LRP1B: variants seen among roughly 807,000 people sequenced by gnomAD.
LRP1B encodes the protein low-density lipoprotein receptor-related protein 1B.
LRP1B carries 217 observed loss-of-function variants against 556.6 expected under a neutral mutation model. The ratio of observed to expected loss-of-function variants is 0.39; its 90% CI spans 0.35 to 0.44. The LOEUF is 0.44. Ranked by LOEUF, LRP1B falls within the 20% of genes least tolerant of loss-of-function variation. The pLI is 1.00. For missense variants in LRP1B, 5,053 were observed against 5,620.8 expected (o/e 0.90, Z 3.23); for synonymous variants, 2,047 against 1,865.8 (o/e 1.10, Z -2.50).
chr2:141,559,088 C>T (rs1339881300), intron 2 of LRP1B, among the ~76,000 whole-genome samples: 6 of 151,348 alleles, frequency 4.0e-5, no homozygotes, highest in African/African-American at 1.5e-4. Flanking sequence ...TTTTGGTACA[C>T]TATTTTGATG....
At chr2:141,602,261 T>C (rs1250109946) in intron 2 of LRP1B, among the ~76,000 whole-genome samples, 1 of 152,174 alleles carries the variant, frequency 6.6e-6, no homozygotes, top group Non-Finnish European at 1.5e-5. Context: ...CTTTACTCTT[T>C]GCACCATAAA....
chr2:141,756,591 G>A (rs1694328736), intron 2 of LRP1B, among the ~76,000 whole-genome samples: 1 of 147,432 alleles, frequency 6.8e-6, no homozygotes, highest in African/African-American at 2.5e-5. Context: ...ACAATCTTAT[G>A]CCAAATAACA....
At chr2:141,526,745 T>C (rs530053398) in intron 2 of LRP1B, among the ~76,000 whole-genome samples, 7 of 152,174 alleles carry the variant, frequency 4.6e-5, no homozygotes, top group Admixed American at 2.0e-4. Context: ...ATTGTAAGAA[T>C]AAATCACCAC....
chr2:140,861,278 G>A (rs924894565), intron 27 of LRP1B, among the ~76,000 whole-genome samples: 5 of 152,074 alleles, frequency 3.3e-5, no homozygotes, highest in East Asian at 3.9e-4. Context: ...AAGGTGGCAC[G>A]TGACTGTAAT....
In LRP1B at chr2:141,800,726, T is replaced by G. The variant is rs150125793; in HGVS notation, c.205+9553A>C. Among the ~76,000 whole-genome samples the G allele has an allele frequency of 2.7e-3, 417 of 152,292 alleles. 4 individuals carry two copies. Among genetic ancestry groups the G allele is most frequent in the African/African-American group, 9.5e-3 (395 of 41,564 alleles). Reference sequence around the variant, plus strand: ...ATCATCTTCTTTATCATGGAAAGAATAGCATTTAACCAGAATAGATAAAGT... The same window carrying G: ...ATCATCTTCTTTATCATGGAAAGAAGAGCATTTAACCAGAATAGATAAAGT... On this transcript the variant is annotated intron_variant, in intron 2 of 90. Transcript: ENST00000389484.
chr2:140,917,097 CAA>C (rs1694602370), intron 21 of LRP1B, among the ~76,000 whole-genome samples: 1 of 152,106 alleles, frequency 6.6e-6, no homozygotes, highest in Admixed American at 6.5e-5. Context: ...AAAATATACT[CAA>C]AATAATATGT....
intron 2 of LRP1B, among the ~76,000 whole-genome samples, chr2:141,664,368 C>A (rs1204018652): frequency 6.6e-6 from 1 of 152,094 alleles, no homozygotes; most frequent in Non-Finnish European, 1.5e-5. Flanking sequence ...GGCAATCAGA[C>A]AAGAGAAAGA....
chr2:141,871,516 A>C (rs1417544638), intron 1 of LRP1B, among the ~76,000 whole-genome samples: 1 of 152,002 alleles, frequency 6.6e-6, no homozygotes, highest in Non-Finnish European at 1.5e-5. Context: ...TAATAAATGC[A>C]TCTACCAAAA....
At chr2:141,575,334 A>G (rs1167530343) in intron 2 of LRP1B, among the ~76,000 whole-genome samples, 1 of 152,190 alleles carries the variant, frequency 6.6e-6, no homozygotes, top group East Asian at 1.9e-4. Context: ...GATCTTCGAC[A>G]AACCCGACAA....
At position 140,683,858 on chromosome 2, in the gene LRP1B, C is replaced by T. The variant is rs115879462; in HGVS notation, c.6799+16392G>A. ...AGCAGCCGACCCCGAAACAGCTCCG[C>T]GGCCCCCTGCGCCTGGGCCCTGGCA... On this transcript the variant is annotated intron_variant, in intron 41 of 90. Transcript: ENST00000389484. 1,723 of 601,380 alleles carry T rather than the reference C, an allele frequency of 2.9e-3. 25 individuals are homozygous for T. In the African/African-American group the frequency reaches 0.029, roughly 10 times the overall value. 37.3% of individuals were successfully genotyped at this position (601,380 alleles called of 1,614,324 possible).
At chr2:140,460,131 A>C (rs1384276206) in intron 60 of LRP1B, among the ~76,000 whole-genome samples, 2 of 152,166 alleles carry the variant, frequency 1.3e-5, no homozygotes, top group African/African-American at 4.8e-5. Context: ...AACTTGGCAA[A>C]AGAGGGGTAG....
chr2:140,685,655 A>G (rs1352670756), intron 41 of LRP1B, among the ~76,000 whole-genome samples: 1 of 152,182 alleles, frequency 6.6e-6, no homozygotes, highest in African/African-American at 2.4e-5. Context: ...CAGTCAAAGA[A>G]TTGCTTTTAC....
intron 2 of LRP1B, among the ~76,000 whole-genome samples, chr2:141,662,561 A>G (rs1180187758): frequency 6.6e-6 from 1 of 152,174 alleles, no homozygotes; most frequent in Non-Finnish European, 1.5e-5. Context: ...CTTTAAACCA[A>G]CAGAGATCAA....
At chr2:141,444,960 G>A (rs1028789998) in intron 3 of LRP1B, among the ~76,000 whole-genome samples, 2 of 152,066 alleles carry the variant, frequency 1.3e-5, no homozygotes, top group African/African-American at 4.8e-5. Context: ...TTAGGGAGGA[G>A]TCCCTCTTTT....
At chr2:140,530,354 C>G (rs1424439333) in intron 47 of LRP1B, among the ~76,000 whole-genome samples, 2 of 152,092 alleles carry the variant, frequency 1.3e-5, no homozygotes, top group African/African-American at 4.8e-5. Flanking sequence ...AAAGAGACCT[C>G]TTTTCCATTC....
chr2:140,843,485 C>T (rs1426881637), intron 29 of LRP1B, among the ~76,000 whole-genome samples: 1 of 152,064 alleles, frequency 6.6e-6, no homozygotes, highest in Admixed American at 6.6e-5. Context: ...TTCCATATAG[C>T]GTGACTATAG....
chr2:140,303,321 C>G (rs1015572591), intron 83 of LRP1B, among the ~76,000 whole-genome samples: 1 of 151,938 alleles, frequency 6.6e-6, no homozygotes, highest in African/African-American at 2.4e-5. Flanking sequence ...AGTCTTGGCT[C>G]ACTGCAACCT....
intron 1 of LRP1B, among the ~76,000 whole-genome samples, chr2:142,008,235 A>G (rs567428358): frequency 6.6e-6 from 1 of 151,858 alleles, no homozygotes; most frequent in African/African-American, 2.4e-5. Context: ...CTATAGCTTG[A>G]CTCCCTGTGC....
At position 140,657,079 on chromosome 2, in the gene LRP1B, T is replaced by C. The variant is rs1006109914; in HGVS notation, c.6799+43171A>G. Among the ~76,000 whole-genome samples the C allele has an allele frequency of 1.6e-4, 24 of 152,250 alleles. No individual in the cohort carries two copies. The East Asian group carries it at 4.6e-3, about 29-fold the overall frequency. ...TATACCTCAAAATGATTTTATCCTGTGAAATATAATAGTACTGATAGGCAT... is the reference window on the plus strand; with the variant it reads ...TATACCTCAAAATGATTTTATCCTGCGAAATATAATAGTACTGATAGGCAT... On this transcript the variant is annotated intron_variant, in intron 41 of 90. Coordinates refer to ENST00000389484, the MANE Select transcript of LRP1B (RefSeq NM_018557.3).
Sources: allele counts gnomAD v4.1 joint callset (sites outside exome capture counted in the v4.1 genomes callset), GRCh38; gene constraint gnomAD v4.1.1; transcripts MANE v1.5; gene names NCBI Gene and HGNC (gene_info 2026-07-23, HGNC 2026-07-21).